The following MROH2B variants were observed in gnomAD, a reference collection of about 807,000 sequenced individuals.
The protein encoded by MROH2B is maestro heat like repeat family member 2B.
MROH2B carries 177 observed loss-of-function variants against 208.6 expected under a neutral mutation model. That is an observed-to-expected ratio of 0.85 (90% CI 0.75 to 0.96). The LOEUF (loss-of-function observed/expected upper bound fraction) is 0.96. Among genes scored for constraint, MROH2B ranks in the 40% least tolerant of loss-of-function variants. The pLI, the probability that MROH2B is intolerant of heterozygous loss-of-function variation, is 0.00. For missense variants in MROH2B, 2,002 were observed against 1,878.7 expected (o/e 1.07, Z -1.21); for synonymous variants, 728 against 659.0 (o/e 1.10, Z -1.60).
Position 41,047,867 on chromosome 5 carries a change from C to T in MROH2B, c.1685-103G>A, listed in dbSNP as rs542553402. On this transcript the variant is annotated intron_variant, in intron 16 of 41. Coordinates refer to ENST00000399564, the MANE Select transcript of MROH2B (RefSeq NM_173489.5). Reference sequence around the variant, plus strand: ...AGTGATACTGGAGTTCTATTTTAAGCTTTCTTTTTGCTCATAATGCTTATT... The same window carrying T: ...AGTGATACTGGAGTTCTATTTTAAGTTTTCTTTTTGCTCATAATGCTTATT... 262 of 990,474 alleles carry T rather than the reference C, an allele frequency of 2.6e-4. 2 individuals carry two copies. The East Asian group carries it at 5.5e-3, about 21-fold the overall frequency. The allele number at this position is 990,474 out of a possible 1,614,324, so 61.4% of individuals were successfully genotyped here. A position where few individuals can be genotyped will look rare whatever the true frequency, so the allele number is the denominator to read the frequency against.
intron 2 of MROH2B, among the ~76,000 whole-genome samples, chr5:41,069,230 AGT>A (rs1464810388): frequency 6.6e-6 from 1 of 152,210 alleles, no homozygotes; most frequent in African/African-American, 2.4e-5. Flanking sequence ...TTCCCAGATA[AGT>A]GTTCGATGAA....
Position 41,004,503 on chromosome 5 carries a change from A to G in MROH2B, c.4037T>C (p.Leu1346Pro), listed in dbSNP as rs752033960. The change falls in exon 37 of 42, where the codon CTA becomes CCA. Residue 1346 changes from leucine to proline, a missense_variant. Physicochemically the swap from Leu to Pro is moderately conservative, Grantham distance 98. Transcript: ENST00000399564. ...ATACAGGCCTCTGATGATAGATTCTAGCATTAACTGCTTATGTTTCTTCAC... is the reference window on the plus strand; with the variant it reads ...ATACAGGCCTCTGATGATAGATTCTGGCATTAACTGCTTATGTTTCTTCAC... ...HKVKKHKQLMLESIIRGLYHL... is the reference protein window; with the variant it reads ...HKVKKHKQLMPESIIRGLYHL... 1.2e-6 allele frequency: 2 copies of G among 1,610,806 alleles called. No individual in the cohort carries two copies. The highest frequency in any genetic ancestry group is 1.7e-6 in the Non-Finnish European group (2 of 1,179,176).
intron 24 of MROH2B, among the ~76,000 whole-genome samples, chr5:41,030,636 A>T (rs868239500): frequency 6.6e-6 from 1 of 152,114 alleles, no homozygotes; most frequent in Non-Finnish European, 1.5e-5. Context: ...TAAAATTCAT[A>T]TGGAATAAAA....
At chr5:41,049,951 C>G (rs1255652374) in intron 13 of MROH2B, among the ~76,000 whole-genome samples, 1 of 152,130 alleles carries the variant, frequency 6.6e-6, no homozygotes, top group African/African-American at 2.4e-5. Flanking sequence ...TGTTTTATGT[C>G]CCTTAGAAAA....
chr5:41,040,008 A>T (rs1043555684), intron 19 of MROH2B, among the ~76,000 whole-genome samples: 1 of 152,200 alleles, frequency 6.6e-6, no homozygotes, highest in Non-Finnish European at 1.5e-5. Context: ...CCCGAAGTCC[A>T]CTGAGAGGGC....
Position 41,019,008 on chromosome 5 carries a change from G to A in MROH2B, c.2452C>T (p.Pro818Ser). 6.2e-7 allele frequency: 1 copy of A among 1,613,820 alleles called. No homozygotes were observed. The highest frequency in any genetic ancestry group is 8.5e-7 in the Non-Finnish European group (1 of 1,179,832). The part of the protein sequence containing the change: ...IAIRYLSKLK[P>S]QLSLQDHLNI... Reference sequence around the variant, plus strand: ...AGGTGGTCTTGTAGTGAGAGCTGAGGTTTCAGTTTACTGAAATGAGAACCA... The same window carrying A: ...AGGTGGTCTTGTAGTGAGAGCTGAGATTTCAGTTTACTGAAATGAGAACCA... Residue 818 changes from proline to serine, a missense_variant, in exon 25 of 42, where the codon CCT becomes TCT. Physicochemically the swap from Pro to Ser is moderately conservative, Grantham distance 74. Coordinates refer to ENST00000399564, the MANE Select transcript of MROH2B (RefSeq NM_173489.5).
At chr5:41,036,154 C>A (rs1036655375) in intron 21 of MROH2B, among the ~76,000 whole-genome samples, 1 of 150,612 alleles carries the variant, frequency 6.6e-6, no homozygotes, top group Non-Finnish European at 1.5e-5. Flanking sequence ...ACACACACAC[C>A]CCACATTTAT....
intron 21 of MROH2B, among the ~76,000 whole-genome samples, chr5:41,035,140 C>T (rs1742713336): frequency 6.6e-6 from 1 of 151,822 alleles, no homozygotes; most frequent in African/African-American, 2.4e-5. Context: ...CCTGCATAGC[C>T]AAAGCAATAC....
In MROH2B at chr5:40,999,719, T is replaced by G. The variant is rs1297311973; in HGVS notation, c.4543A>C (p.Ser1515Arg). 6.2e-7 allele frequency: 1 copy of G among 1,613,684 alleles called. No individual in the cohort carries two copies. The highest frequency in any genetic ancestry group is 8.5e-7 in the Non-Finnish European group (1 of 1,179,652). The change falls in exon 40 of 42, where the codon AGC becomes CGC. Residue 1515 changes from serine to arginine, a missense_variant. Ser to Arg is a moderately radical substitution (Grantham distance 110, BLOSUM62 -1). Transcript: ENST00000399564. Reference sequence around the variant, plus strand: ...GCACTCCTGATCACCTCCCAGGTGCTGGTGAAGAAGGTGAAGGAGTGTGTG... The same window carrying G: ...GCACTCCTGATCACCTCCCAGGTGCGGGTGAAGAAGGTGAAGGAGTGTGTG... ...LHTHSFTFFTSTWEVIRSAAV... is the reference protein window; with the variant it reads ...LHTHSFTFFTRTWEVIRSAAV...
Position 40,999,676 on chromosome 5 carries a change from C to A in MROH2B, c.4585+1G>T. ...GGTAGGAAATGGGGATGTGTACTCA[C>A]CTGTGAGTTTGACAGCTGCACTCCT... On this transcript the variant is annotated splice_donor_variant, in intron 40 of 41. Coordinates refer to ENST00000399564, the MANE Select transcript of MROH2B (RefSeq NM_173489.5). LOFTEE classifies it high-confidence loss of function. 6.2e-7 allele frequency: 1 copy of A among 1,610,546 alleles called. No individual in the cohort carries two copies. Among genetic ancestry groups the A allele is most frequent in the Non-Finnish European group, 8.5e-7 (1 of 1,177,476 alleles).
Position 40,998,069 on chromosome 5 carries a change from T to C in MROH2B, c.4741A>G (p.Thr1581Ala). 1 of 1,610,238 alleles carries C rather than the reference T, an allele frequency of 6.2e-7. No homozygotes were observed. The highest frequency in any genetic ancestry group is 8.5e-7 in the Non-Finnish European group (1 of 1,177,232). The change falls in exon 42 of 42, where the codon ACA becomes GCA. Residue 1581 changes from threonine (T) to alanine (A), a missense_variant. Transcript: ENST00000399564. Reference sequence around the variant, plus strand: ...TTGATGGCTTACAGAGGAATGCTTGTCTCTTTACACCTTCTCAGGAGGGTT... The same window carrying C: ...TTGATGGCTTACAGAGGAATGCTTGCCTCTTTACACCTTCTCAGGAGGGTT... ...LQTLLRRCKETSIPL is the reference protein window; with the variant it reads ...LQTLLRRCKEASIPL
chr5:41,056,454 A>G (rs1423284462), intron 9 of MROH2B, among the ~76,000 whole-genome samples: 2 of 152,092 alleles, frequency 1.3e-5, no homozygotes, highest in East Asian at 3.9e-4. Context: ...AAAGATATGC[A>G]AGGAGGTAGA....
intron 24 of MROH2B, among the ~76,000 whole-genome samples, chr5:41,026,404 A>G (rs1742361805): frequency 6.6e-6 from 1 of 152,234 alleles, no homozygotes; most frequent in African/African-American, 2.4e-5. Context: ...AGACAAACAC[A>G]GAGCCAAATC....
At position 41,000,732 on chromosome 5, in the gene MROH2B, C is replaced by T. The variant is rs79987231; in HGVS notation, c.4296G>A (p.Lys1432=). 86 of 1,612,100 alleles carry T rather than the reference C, an allele frequency of 5.3e-5. No homozygotes were observed. The East Asian group carries it at 1.9e-3, about 36-fold the overall frequency. Residue 1432 remains lysine, a synonymous_variant, in exon 38 of 42, where the codon AAG becomes AAA. Transcript: ENST00000399564. The part of the protein sequence containing the change: ...WKIFFAEEIK[K]SLISFLLHLW... Reference sequence around the variant, plus strand: ...GGTGCAGAAGGAATGAAATCAGGCTCTTTTTTATTTCTTCAGCAAAAAAAA... The same window carrying T: ...GGTGCAGAAGGAATGAAATCAGGCTTTTTTTTATTTCTTCAGCAAAAAAAA...
chr5:41,005,451 G>C, intron 35 of MROH2B, 80 bp downstream of exon 35: 1 of 685,234 alleles, frequency 1.5e-6, no homozygotes, highest in Non-Finnish European at 2.3e-6. Flanking sequence ...CCTGGTTCCA[G>C]TGCACACTGG....
chr5:41,005,422 C>G lies in MROH2B; in HGVS notation c.3864+109G>C, dbSNP rs112233244. Reference sequence around the variant, plus strand: ...GTCTCTCCTCTATGAAACCCCCCCCCCCCTTGAAGTCTCTCTTCCCTGGTT... The same window carrying G: ...GTCTCTCCTCTATGAAACCCCCCCCGCCCTTGAAGTCTCTCTTCCCTGGTT... On this transcript the variant is annotated intron_variant, in intron 35 of 41. Coordinates refer to ENST00000399564, the MANE Select transcript of MROH2B (RefSeq NM_173489.5). 34 of 151,070 alleles carry G rather than the reference C, an allele frequency of 2.3e-4. 7 individuals carry two copies. The highest frequency in any genetic ancestry group is 9.2e-4 in the Admixed American group (11 of 11,994). The allele number at this position is 151,070 out of a possible 1,614,324, so 9.4% of individuals were successfully genotyped here.
intron 24 of MROH2B, among the ~76,000 whole-genome samples, chr5:41,026,549 A>G (rs893111652): frequency 2.8e-4 from 43 of 152,218 alleles, no homozygotes; most frequent in Non-Finnish European, 5.4e-4. Flanking sequence ...ACACAAACAA[A>G]TGGAAGAACA....
Position 41,032,775 on chromosome 5 carries a change from C to A in MROH2B, c.2408G>T (p.Arg803Leu). The change falls in exon 24 of 42, where the codon CGG becomes CTG. Residue 803 changes from arginine (R) to leucine (L), a missense_variant. Transcript: ENST00000399564. ...CCTAATGGCGATTAAGGCTTTCCAC[C>A]GAATAGGGCTAGCTAAGGAATCCAG... ...EPLDSLASPIRWKALIAIRYL... is the reference protein window; with the variant it reads ...EPLDSLASPILWKALIAIRYL... The A allele has an allele frequency of 6.2e-7, 1 of 1,612,544 alleles. No homozygotes were observed. Among genetic ancestry groups the A allele is most frequent in the East Asian group, 2.2e-5 (1 of 44,862 alleles).
chr5:41,065,791 C>T (rs1743791250), intron 3 of MROH2B, among the ~76,000 whole-genome samples: 1 of 152,126 alleles, frequency 6.6e-6, no homozygotes, highest in Admixed American at 6.5e-5. Flanking sequence ...AATCAAGTTA[C>T]CTCTGCTTTC....
Sources: gnomAD v4.1 joint callset for allele counts (sites outside exome capture counted in the v4.1 genomes callset) on GRCh38, gnomAD v4.1.1 for gene constraint, MANE v1.5 for transcripts, NCBI Gene and HGNC (gene_info 2026-07-23, HGNC 2026-07-21) for gene names.